Variants in KCNQ5 observed in about 807,000 individuals in gnomAD.
The protein encoded by KCNQ5 is potassium voltage-gated channel subfamily KQT member 5.
A neutral mutation model predicts 98.2 loss-of-function variants in KCNQ5; 30 were observed. That is an observed-to-expected ratio of 0.31 (90% CI 0.23 to 0.41). The LOEUF (loss-of-function observed/expected upper bound fraction) is 0.41. Among genes scored for constraint, KCNQ5 ranks in the 10% least tolerant of loss-of-function variants. The pLI is 1.00. For synonymous variants in KCNQ5, 458 were observed against 449.4 expected (o/e 1.02, Z -0.24); for missense variants, 835 against 1,182.5 (o/e 0.71, Z 4.31).
chr6:72,760,027 G>A (rs1240769095), intron 1 of KCNQ5, among the ~76,000 whole-genome samples: 1 of 152,080 alleles, frequency 6.6e-6, no homozygotes, highest in Non-Finnish European at 1.5e-5. Context: ...AGCCAATCCT[G>A]AGCAGAATGT....
chr6:73,170,576 A>AAAAAAG lies in KCNQ5; in HGVS notation c.1577+726_1577+727insAGAAAA, dbSNP rs1554218361. Among the ~76,000 whole-genome samples, 304 of 151,048 alleles carry AAAAAAG rather than the reference A, an allele frequency of 2.0e-3. 1 individual carries two copies. Among genetic ancestry groups the AAAAAAG allele is most frequent in the African/African-American group, 7.1e-3 (292 of 41,158 alleles). ...TGAGTAACTATATTGCAAAAAAAAAAAAAAGAAAAGAAAAGAAAAGAAATA... is the reference window on the plus strand; with the variant it reads ...TGAGTAACTATATTGCAAAAAAAAAAAAAAAGAAAAGAAAAGAAAAGAAAAGAAATA... On this transcript the variant is annotated intron_variant, in intron 11 of 13. Coordinates refer to ENST00000370398, the MANE Select transcript of KCNQ5 (RefSeq NM_019842.4).
At position 72,881,129 on chromosome 6, in the gene KCNQ5, C is replaced by A. The variant is rs141154531; in HGVS notation, c.399-122779C>A. On this transcript the variant is annotated intron_variant, in intron 1 of 13. Transcript: ENST00000370398. ...ATTTTATATTTGTATTGTACTTAAA[C>A]CTTAGGAAAGCCATAGAGGAAGGAA... Among the ~76,000 whole-genome samples the A allele has an allele frequency of 2.8e-3, 425 of 152,260 alleles. 3 individuals carry two copies. The highest frequency in any genetic ancestry group is 4.3e-3 in the Non-Finnish European group (291 of 68,012).
chr6:73,077,388 C>T lies in KCNQ5; in HGVS notation c.683C>T (p.Thr228Met). 3 of 1,614,102 alleles carry T rather than the reference C, an allele frequency of 1.9e-6. No homozygotes were observed. The highest frequency in any genetic ancestry group is 1.7e-6 in the Non-Finnish European group (2 of 1,179,954). The change falls in exon 4 of 14, where the codon ACG becomes ATG. Residue 228 changes from threonine to methionine, a missense_variant. Transcript: ENST00000370398. ...SAKTQGNIFA[T>M]SALRSLRFLQ... ...AAAACTCAGGGTAATATTTTTGCCA[C>T]GTCTGCACTCAGAAGTCTCCGTTTC...
intron 1 of KCNQ5, among the ~76,000 whole-genome samples, chr6:72,968,132 A>G (rs1208627134): frequency 6.6e-6 from 1 of 152,210 alleles, no homozygotes; most frequent in Non-Finnish European, 1.5e-5. Flanking sequence ...ACACACACAA[A>G]CATACAAACA....
In KCNQ5 at chr6:72,835,348, C is replaced by G. The variant is rs1475232479; in HGVS notation, c.399-168560C>G. On this transcript the variant is annotated intron_variant, in intron 1 of 13. Transcript: ENST00000370398. ...ACTCCAGAATGTATGGAATTACTTT[C>G]TGCTTCATAATCTGGCTAATTAAAT... is the stretch of plus-strand genomic sequence containing the variant. Among the ~76,000 whole-genome samples the G allele has an allele frequency of 2.6e-5, 4 of 152,146 alleles. No homozygotes were observed. In the East Asian group the frequency reaches 7.7e-4, roughly 29 times the overall value.
At chr6:72,681,084 T>G (rs1767683865) in intron 1 of KCNQ5, among the ~76,000 whole-genome samples, 1 of 152,232 alleles carries the variant, frequency 6.6e-6, no homozygotes, top group Admixed American at 6.5e-5. Flanking sequence ...TGTTACTTAC[T>G]TCTGTAAACC....
chr6:72,930,834 C>T (rs1424559436), intron 1 of KCNQ5, among the ~76,000 whole-genome samples: 1 of 152,062 alleles, frequency 6.6e-6, no homozygotes, highest in Non-Finnish European at 1.5e-5. Flanking sequence ...CATTGGTTTA[C>T]TTGTTTAAAT....
At chr6:73,050,577 T>C (rs1772186971) in intron 3 of KCNQ5, among the ~76,000 whole-genome samples, 1 of 152,190 alleles carries the variant, frequency 6.6e-6, no homozygotes, top group Admixed American at 6.5e-5. Flanking sequence ...TTTATTTGAA[T>C]TTCACCAGTT....
intron 1 of KCNQ5, among the ~76,000 whole-genome samples, chr6:72,935,008 G>A (rs924210785): frequency 2.0e-5 from 3 of 149,954 alleles, no homozygotes; most frequent in Admixed American, 6.7e-5. Flanking sequence ...CAATGAATCC[G>A]CTTTCTCAAC....
At chr6:73,025,753 C>T (rs1209224832) in intron 2 of KCNQ5, among the ~76,000 whole-genome samples, 1 of 151,386 alleles carries the variant, frequency 6.6e-6, no homozygotes, top group Non-Finnish European at 1.5e-5. Context: ...GTTTTTCTTT[C>T]CTTTATTGCC....
In KCNQ5 at chr6:73,156,810, G is replaced by A. The variant is rs137857545; in HGVS notation, c.1469-12936G>A. Among the ~76,000 whole-genome samples the A allele has an allele frequency of 3.9e-5, 6 of 152,266 alleles. No homozygotes were observed. The East Asian group carries it at 1.2e-3, about 29-fold the overall frequency. On this transcript the variant is annotated intron_variant, in intron 10 of 13. Coordinates refer to ENST00000370398, the MANE Select transcript of KCNQ5 (RefSeq NM_019842.4). Reference sequence around the variant, plus strand: ...TGGAAAGAATGAGGAGCAGCGGCAGGCAGAGTGACTGTGGAGAGGTGAACA... The same window carrying A: ...TGGAAAGAATGAGGAGCAGCGGCAGACAGAGTGACTGTGGAGAGGTGAACA...
chr6:72,705,043 T>A (rs1269329114), intron 1 of KCNQ5, among the ~76,000 whole-genome samples: 2 of 152,152 alleles, frequency 1.3e-5, no homozygotes, highest in African/African-American at 4.8e-5. Context: ...CCAATAATTT[T>A]TATTCTTTTC....
chr6:73,159,371 A>G (rs1436224802), intron 10 of KCNQ5, among the ~76,000 whole-genome samples: 1 of 152,204 alleles, frequency 6.6e-6, no homozygotes, highest in East Asian at 1.9e-4. Flanking sequence ...GAGGAGAGAG[A>G]GGATCAGAAA....
At chr6:72,931,242 A>C (rs1765680023) in intron 1 of KCNQ5, among the ~76,000 whole-genome samples, 1 of 152,186 alleles carries the variant, frequency 6.6e-6, no homozygotes, top group Non-Finnish European at 1.5e-5. Flanking sequence ...ACTAAAGTTT[A>C]CTTTTTTATT....
intron 1 of KCNQ5, among the ~76,000 whole-genome samples, chr6:72,857,853 G>A (rs1047839571): frequency 1.3e-5 from 2 of 152,202 alleles, no homozygotes; most frequent in Non-Finnish European, 2.9e-5. Flanking sequence ...TTGAATTGAA[G>A]AATAAAAGTA....
At chr6:72,755,082 T>G (rs1771898024) in intron 1 of KCNQ5, among the ~76,000 whole-genome samples, 2 of 152,074 alleles carry the variant, frequency 1.3e-5, no homozygotes, top group Admixed American at 1.3e-4. Context: ...TTTATTATTA[T>G]GTAATGTCTC....
Position 73,124,379 on chromosome 6 carries a change from T to G in KCNQ5, c.1221-107T>G. The G allele has an allele frequency of 6.6e-6, 6 of 913,200 alleles. 1 individual carries two copies. The highest frequency in any genetic ancestry group is 1.1e-5 in the Non-Finnish European group (6 of 560,796). 56.6% of individuals were successfully genotyped at this position (913,200 alleles called of 1,614,324 possible). On this transcript the variant is annotated intron_variant, in intron 8 of 13. Coordinates refer to ENST00000370398, the MANE Select transcript of KCNQ5 (RefSeq NM_019842.4). ...TTTTGTGGATCTTGCATGAAAAGAGTTACTTAAGGTATTTGATTCCCCAAT... is the reference window on the plus strand; with the variant it reads ...TTTTGTGGATCTTGCATGAAAAGAGGTACTTAAGGTATTTGATTCCCCAAT...
intron 1 of KCNQ5, among the ~76,000 whole-genome samples, chr6:72,713,349 A>C (rs1769472230): frequency 6.6e-6 from 1 of 152,092 alleles, no homozygotes; most frequent in African/African-American, 2.4e-5. Context: ...GGCTTTTCCT[A>C]TCTTTGAGAG....
intron 9 of KCNQ5, among the ~76,000 whole-genome samples, chr6:73,125,925 CAA>C (rs1002445601): frequency 6.6e-6 from 1 of 151,994 alleles, no homozygotes; most frequent in African/African-American, 2.4e-5. Flanking sequence ...CGTTTTTGAC[CAA>C]AGAGAGGTTC....
Sources: gnomAD v4.1 joint callset for allele counts (sites outside exome capture counted in the v4.1 genomes callset) on GRCh38, gnomAD v4.1.1 for gene constraint, MANE v1.5 for transcripts, NCBI Gene and HGNC (gene_info 2026-07-23, HGNC 2026-07-21) for gene names.